Variants in ABCA12 observed in about 807,000 individuals in gnomAD.
ABCA12 encodes ATP binding cassette subfamily A member 12.
In ABCA12, 156 loss-of-function variants were observed where a neutral mutation model predicts 293.5. The observed-to-expected ratio is 0.53, with a 90% CI of 0.47 to 0.61. The LOEUF (loss-of-function observed/expected upper bound fraction) is 0.61. Ranked by LOEUF, ABCA12 falls within the 20% of genes least tolerant of loss-of-function variation. The probability of loss-of-function intolerance (pLI) is 0.00; values close to 1 mark genes in which losing one functional copy is unlikely to be tolerated. For missense variants in ABCA12, 2,797 were observed against 3,090.2 expected, an observed-to-expected ratio of 0.91 and a Z score of 2.25; for synonymous variants, 1,063 against 1,108.0, an observed-to-expected ratio of 0.96 and a Z score of 0.81.
chr2:215,067,303 C>T (rs1377502554), intron 2 of ABCA12, among the ~76,000 whole-genome samples: 1 of 152,042 alleles, frequency 6.6e-6, no homozygotes, highest in Non-Finnish European at 1.5e-5. Context: ...ACGAAACTTC[C>T]ATGCAGCAAG....
chr2:214,955,777 T>C (rs1031374318), intron 42 of ABCA12, among the ~76,000 whole-genome samples: 1 of 152,230 alleles, frequency 6.6e-6, no homozygotes, highest in African/African-American at 2.4e-5. Flanking sequence ...TAGATCTCTC[T>C]TTCATTCCTT....
intron 39 of ABCA12, among the ~76,000 whole-genome samples, chr2:214,960,116 A>G (rs2105939346): frequency 6.6e-6 from 1 of 152,288 alleles, no homozygotes; most frequent in South Asian, 2.1e-4. Flanking sequence ...ATTTTCATTA[A>G]GTAGAATGTA....
intron 21 of ABCA12, 73 bp downstream of exon 21, chr2:215,001,485 G>C: frequency 6.3e-7 from 1 of 1,592,410 alleles, no homozygotes. Context: ...AGTTCTGGAT[G>C]AAAGACATGA....
chr2:215,052,037 T>C (rs1238643633), intron 5 of ABCA12, among the ~76,000 whole-genome samples: 2 of 152,130 alleles, frequency 1.3e-5, no homozygotes, highest in African/African-American at 4.8e-5. Flanking sequence ...GAGAAATCGA[T>C]AAGTAAGCTC....
chr2:214,971,229 C>T (rs1699378973), intron 36 of ABCA12, among the ~76,000 whole-genome samples: 1 of 152,136 alleles, frequency 6.6e-6, no homozygotes. Context: ...TTCCAGCTTG[C>T]TCTAAAGAAA....
At chr2:215,027,228 C>T (rs1472031643) in intron 9 of ABCA12, among the ~76,000 whole-genome samples, 8 of 152,186 alleles carry the variant, frequency 5.3e-5, no homozygotes, top group African/African-American at 9.6e-5. Flanking sequence ...CGCCTGTAGT[C>T]CCAGCTACTC....
chr2:214,993,779 C>T (rs1015402022), intron 23 of ABCA12, among the ~76,000 whole-genome samples: 1 of 152,168 alleles, frequency 6.6e-6, no homozygotes, highest in African/African-American at 2.4e-5. Flanking sequence ...TGTGTATAAA[C>T]GTGTTTTTCT....
At chr2:214,972,173 TCTCTA>T (rs918710966) in intron 36 of ABCA12, among the ~76,000 whole-genome samples, 1 of 152,196 alleles carries the variant, frequency 6.6e-6, no homozygotes, top group African/African-American at 2.4e-5. Context: ...TGAATATCAT[TCTCTA>T]CTCTGTGGAT....
At chr2:215,005,419 A>G (rs73987770) in intron 19 of ABCA12, among the ~76,000 whole-genome samples, 2,507 of 152,320 alleles carry the variant, frequency 0.016, 68 homozygotes, top group African/African-American at 0.053. Flanking sequence ...CATGGGGATG[A>G]ATGACTAAGA....
At chr2:215,112,486 G>GTTTTTTTTTGTT (rs1702594153) in intron 1 of ABCA12, among the ~76,000 whole-genome samples, 1 of 107,598 alleles carries the variant, frequency 9.3e-6, no homozygotes. Flanking sequence ...GGTTTTTTTT[G>GTTTTTTTTTGTT]TTTTTTTTTT....
Position 215,111,622 on chromosome 2 carries a change from T to C in ABCA12, c.138A>G (p.Lys46=). Reference sequence around the variant, plus strand: ...AAGTTGGTTTTGCAGTTGGAGGAAATTTGGTCCGAGTAATAGCCAAAATTA... The same window carrying C: ...AAGTTGGTTTTGCAGTTGGAGGAAACTTGGTCCGAGTAATAGCCAAAATTA... ...IFIILAITRT[K]FPPTAKPTCY... is the part of the protein sequence containing the mutation. The change falls in exon 2 of 53, where the codon AAA becomes AAG. Residue 46 remains lysine, a synonymous_variant. Transcript: ENST00000272895. The C allele has an allele frequency of 6.2e-7, 1 of 1,613,240 alleles. No individual in the cohort carries two copies. The highest frequency in any genetic ancestry group is 8.5e-7 in the Non-Finnish European group (1 of 1,179,474).
chr2:215,047,785 C>T (rs1015873379), intron 6 of ABCA12, among the ~76,000 whole-genome samples: 3 of 151,870 alleles, frequency 2.0e-5, no homozygotes, highest in Admixed American at 1.3e-4. Context: ...ACAAAGATGC[C>T]AAAAGCAATC....
At chr2:215,070,513 T>A (rs1315581059) in intron 2 of ABCA12, among the ~76,000 whole-genome samples, 1 of 150,666 alleles carries the variant, frequency 6.6e-6, no homozygotes, top group East Asian at 2.0e-4. Flanking sequence ...TAGGTATATC[T>A]CCTAATGCTA....
intron 28 of ABCA12, among the ~76,000 whole-genome samples, chr2:214,985,978 C>G (rs890484536): frequency 6.6e-6 from 1 of 152,160 alleles, no homozygotes. Context: ...CTGCTCCTGG[C>G]CTTTTTGATT....
intron 1 of ABCA12, among the ~76,000 whole-genome samples, chr2:215,124,654 T>C (rs141119602): frequency 0.023 from 3,575 of 152,332 alleles, 76 homozygotes; most frequent in Non-Finnish European, 0.036. Flanking sequence ...TGGGATTGTT[T>C]GTTTTTTTCT....
chr2:215,040,012 T>C (rs1701066675), intron 7 of ABCA12, among the ~76,000 whole-genome samples: 1 of 152,272 alleles, frequency 6.6e-6, no homozygotes, highest in East Asian at 1.9e-4. Context: ...GATGAAAAAG[T>C]AGATTCACAT....
Position 214,982,384 on chromosome 2 carries a change from C to A in ABCA12, c.4383-1G>T. ...ATATAGTCCAGTATCTTTTAAAGTC[C>A]TTCAAAAATAATGTATGATGGTTAT... On this transcript the variant is annotated splice_acceptor_variant, in intron 29 of 52. Transcript: ENST00000272895. LOFTEE classifies it high-confidence loss of function. 1 of 1,612,622 alleles carries A rather than the reference C, an allele frequency of 6.2e-7. No homozygotes were observed. The highest frequency in any genetic ancestry group is 1.1e-5 in the South Asian group (1 of 90,998).
chr2:215,023,114 CCTAA>C (rs1322234684), intron 11 of ABCA12: 1 of 152,044 alleles, frequency 6.6e-6, no homozygotes, highest in East Asian at 1.9e-4. Flanking sequence ...TTGGGTGTGC[CCTAA>C]CTGATGGTCA....
At chr2:214,964,246 A>G (rs1699196358) in intron 39 of ABCA12, among the ~76,000 whole-genome samples, 1 of 152,222 alleles carries the variant, frequency 6.6e-6, no homozygotes, top group Non-Finnish European at 1.5e-5. Flanking sequence ...TAAGAGATGT[A>G]TATGGCAAAC....
Sources: gnomAD v4.1 joint callset for allele counts (sites outside exome capture counted in the v4.1 genomes callset) on GRCh38, gnomAD v4.1.1 for gene constraint, MANE v1.5 for transcripts, NCBI Gene and HGNC (gene_info 2026-07-23, HGNC 2026-07-21) for gene names.